The following KIF16B variants were observed in gnomAD, a reference collection of about 807,000 sequenced individuals.
KIF16B encodes the protein kinesin family member 16B.
A neutral mutation model predicts 156.3 loss-of-function variants in KIF16B; 98 were observed. The ratio of observed to expected loss-of-function variants is 0.63; its 90% CI spans 0.53 to 0.74. The LOEUF (loss-of-function observed/expected upper bound fraction) is 0.74, where lower values mean the gene tolerates loss of function less well. KIF16B is among the 30% of genes least tolerant of loss of function. The probability of loss-of-function intolerance (pLI) is 0.00; values close to 1 mark genes in which losing one functional copy is unlikely to be tolerated. For missense variants in KIF16B, 1,421 were observed against 1,606.5 expected (o/e 0.88, Z 1.97); for synonymous variants, 564 against 583.7 (o/e 0.97, Z 0.49).
chr20:16,369,259 T>C, intron 22 of KIF16B: 2 of 985,866 alleles, frequency 2.0e-6, no homozygotes, highest in Non-Finnish European at 2.4e-6. Context: ...TGGGCAAAAC[T>C]GCCTTTTCTG....
chr20:16,528,551 A>T, intron 1 of KIF16B, 111 bp from the exon 2 acceptor site: 1 of 780,586 alleles, frequency 1.3e-6, no homozygotes, highest in Non-Finnish European at 2.1e-6. Context: ...TTATTTTCAA[A>T]TGGCATCTGA....
chr20:16,562,836 T>G (rs2071116012), intron 1 of KIF16B, among the ~76,000 whole-genome samples: 1 of 152,190 alleles, frequency 6.6e-6, no homozygotes, highest in Admixed American at 6.5e-5. Flanking sequence ...CAGAACCTGA[T>G]CCTTCTTTGA....
At chr20:16,406,931 T>C (rs1435926771) in intron 15 of KIF16B, among the ~76,000 whole-genome samples, 1 of 152,160 alleles carries the variant, frequency 6.6e-6, no homozygotes, top group East Asian at 1.9e-4. Context: ...TAGGTAACTA[T>C]TACTAAAATC....
chr20:16,362,238 G>A (rs916946711), intron 22 of KIF16B, among the ~76,000 whole-genome samples: 4 of 152,260 alleles, frequency 2.6e-5, no homozygotes, highest in African/African-American at 9.6e-5. Flanking sequence ...TGAATGCTAA[G>A]GCCCAGGAGA....
At chr20:16,274,034 T>G (rs924283808) in intron 25 of KIF16B, among the ~76,000 whole-genome samples, 2 of 150,594 alleles carry the variant, frequency 1.3e-5, no homozygotes, top group African/African-American at 4.9e-5. Context: ...AAAAAGTCAT[T>G]TCCTCCCCGC....
chr20:16,568,724 G>A (rs1284968395), intron 1 of KIF16B, among the ~76,000 whole-genome samples: 3 of 149,984 alleles, frequency 2.0e-5, no homozygotes. Flanking sequence ...CTGAGGCAGG[G>A]AGATCACCTG....
intron 22 of KIF16B, chr20:16,366,830 C>G: frequency 1.9e-6 from 2 of 1,062,234 alleles, no homozygotes; most frequent in Non-Finnish European, 2.3e-6. Flanking sequence ...CACTATAAAT[C>G]GACACGAAAA....
chr20:16,402,826 G>A (rs1428525858), intron 17 of KIF16B, among the ~76,000 whole-genome samples: 2 of 152,154 alleles, frequency 1.3e-5, no homozygotes, highest in Admixed American at 1.3e-4. Flanking sequence ...AAGTTCTGAG[G>A]ATGAAAACTA....
chr20:16,481,391 A>G (rs1447118564), intron 12 of KIF16B, among the ~76,000 whole-genome samples: 1 of 151,988 alleles, frequency 6.6e-6, no homozygotes, highest in Non-Finnish European at 1.5e-5. Context: ...GGGTCTCTCT[A>G]TGTTGCCCAG....
chr20:16,459,664 A>AT (rs1437115303), intron 12 of KIF16B, among the ~76,000 whole-genome samples: 7 of 152,210 alleles, frequency 4.6e-5, no homozygotes, highest in African/African-American at 1.4e-4. Context: ...TACTTTAAAA[A>AT]TCAGCAGGTT....
chr20:16,434,328 G>C (rs567048904), intron 12 of KIF16B, among the ~76,000 whole-genome samples: 7 of 152,128 alleles, frequency 4.6e-5, no homozygotes, highest in African/African-American at 1.7e-4. Flanking sequence ...AGGAGGACTC[G>C]GCTCAATGCG....
chr20:16,345,523 G>GT (rs1317260944), intron 23 of KIF16B, among the ~76,000 whole-genome samples: 3 of 152,206 alleles, frequency 2.0e-5, no homozygotes, highest in Non-Finnish European at 4.4e-5. Flanking sequence ...ATTACGGGAC[G>GT]TAAGAGGGCA....
chr20:16,515,137 T>C (rs930180659), intron 4 of KIF16B, among the ~76,000 whole-genome samples: 15 of 152,068 alleles, frequency 9.9e-5, no homozygotes, highest in Non-Finnish European at 1.6e-4. Flanking sequence ...TGTAGTACCT[T>C]TCTATCAAAG....
At chr20:16,405,831 G>A (rs2065769349) in intron 16 of KIF16B, among the ~76,000 whole-genome samples, 2 of 152,062 alleles carry the variant, frequency 1.3e-5, no homozygotes, top group South Asian at 2.1e-4. Flanking sequence ...GACCAGCCAC[G>A]ATGTCCCTGA....
chr20:16,484,728 A>G (rs1240551261), intron 12 of KIF16B, among the ~76,000 whole-genome samples: 1 of 152,216 alleles, frequency 6.6e-6, no homozygotes, highest in African/African-American at 2.4e-5. Context: ...TGCAAATTAA[A>G]GCAGAGAGAC....
At chr20:16,275,490 T>C (rs759809714) in intron 25 of KIF16B, among the ~76,000 whole-genome samples, 6 of 152,224 alleles carry the variant, frequency 3.9e-5, no homozygotes, top group Non-Finnish European at 7.3e-5. Flanking sequence ...ATCCTTACAC[T>C]TGGCCTGGAA....
intron 24 of KIF16B, among the ~76,000 whole-genome samples, chr20:16,328,224 A>G (rs2063890082): frequency 6.6e-6 from 1 of 152,124 alleles, no homozygotes; most frequent in Non-Finnish European, 1.5e-5. Context: ...TTGCTCTAAC[A>G]CAGCAATTTT....
intron 14 of KIF16B, 75 bp downstream of exon 14, chr20:16,428,878 G>T: frequency 8.3e-7 from 1 of 1,199,776 alleles, no homozygotes; most frequent in Non-Finnish European, 1.2e-6. Context: ...TTCAATGTCA[G>T]TCATTCGAAA....
chr20:16,410,264 C>CATAT (rs113397494), intron 15 of KIF16B, among the ~76,000 whole-genome samples: 3 of 135,356 alleles, frequency 2.2e-5, no homozygotes, highest in Non-Finnish European at 4.7e-5. Context: ...TGTCGGTGTA[C>CATAT]ATATATATAT....
Sources: allele counts gnomAD v4.1 joint callset (sites outside exome capture counted in the v4.1 genomes callset), GRCh38; gene constraint gnomAD v4.1.1; transcripts MANE v1.5; gene names NCBI Gene and HGNC (gene_info 2026-07-23, HGNC 2026-07-21).